The following LINGO2 variants were observed in gnomAD, a reference collection of about 807,000 sequenced individuals.
LINGO2 encodes the protein leucine rich repeat and Ig domain containing 2, also known as leucine-rich repeat and immunoglobulin-like domain-containing nogo receptor-interacting protein 2.
In LINGO2, 14 loss-of-function variants were observed where a neutral mutation model predicts 30.6. The ratio of observed to expected loss-of-function variants is 0.46; its 90% CI spans 0.30 to 0.72. The LOEUF is 0.72. Among genes scored for constraint, LINGO2 ranks in the 30% least tolerant of loss-of-function variants. The pLI is 0.07. For missense variants in LINGO2, 729 were observed against 751.7 expected, an observed-to-expected ratio of 0.97 and a Z score of 0.35; for synonymous variants, 317 against 288.5, an observed-to-expected ratio of 1.10 and a Z score of -1.00.
At chr9:27,940,338 T>A in the LINGO2 span, 1 of 152,178 alleles carries the variant, frequency 6.6e-6, no homozygotes, top group Non-Finnish European at 1.5e-5. Context: ...TATTTTTTGA[T>A]AGAGGGTCAT....
intron 5 of LINGO2, among the ~76,000 whole-genome samples, chr9:27,991,227 G>T (rs548433811): frequency 5.3e-5 from 8 of 151,864 alleles, no homozygotes; most frequent in African/African-American, 1.9e-4. Flanking sequence ...TACAATGAAC[G>T]GCAACAACAA....
intron 4 of LINGO2, among the ~76,000 whole-genome samples, chr9:28,149,870 C>T (rs144968689): frequency 0.015 from 2,229 of 150,272 alleles, 63 homozygotes; most frequent in African/African-American, 0.052. Context: ...TCTGCCCAGC[C>T]GCCGCCCTGT....
At chr9:28,716,523 T>C in the LINGO2 span, among the ~76,000 whole-genome samples, 2 of 152,056 alleles carry the variant, frequency 1.3e-5, no homozygotes, top group African/African-American at 2.4e-5. Context: ...GAAGCCAGTA[T>C]AGGATCACGT....
At chr9:28,538,529 C>T (rs557248416) in intron 1 of LINGO2, among the ~76,000 whole-genome samples, 11 of 152,064 alleles carry the variant, frequency 7.2e-5, no homozygotes, top group Non-Finnish European at 1.3e-4. Context: ...AGAAACTTGA[C>T]TAACGTATTA....
intron 4 of LINGO2, among the ~76,000 whole-genome samples, chr9:28,146,798 C>T (rs1012259253): frequency 7.9e-5 from 12 of 152,166 alleles, no homozygotes; most frequent in Middle Eastern, 3.2e-3. Flanking sequence ...TTATGTTTGT[C>T]ATATTTTAAT....
chr9:28,631,415 A>AT (rs1826933401), intron 1 of LINGO2, among the ~76,000 whole-genome samples: 1 of 151,442 alleles, frequency 6.6e-6, no homozygotes, highest in African/African-American at 2.4e-5. Flanking sequence ...TCTTGAATTA[A>AT]TTTTTGTATA....
chr9:28,555,399 G>A (rs1319212281), intron 1 of LINGO2, among the ~76,000 whole-genome samples: 7 of 151,072 alleles, frequency 4.6e-5, no homozygotes, highest in African/African-American at 1.5e-4. Flanking sequence ...AAATCTAGAA[G>A]AAATGGATAA....
intron 1 of LINGO2, among the ~76,000 whole-genome samples, chr9:28,607,906 C>T (rs1269744839): frequency 1.3e-5 from 2 of 151,980 alleles, no homozygotes; most frequent in Non-Finnish European, 2.9e-5. Flanking sequence ...CCAGAAACAA[C>T]AAACAACTGG....
At chr9:29,135,196 CAAG>C in the LINGO2 span, among the ~76,000 whole-genome samples, 5 of 152,124 alleles carry the variant, frequency 3.3e-5, 1 homozygote, top group South Asian at 1.0e-3. Flanking sequence ...CCTTTCTGCA[CAAG>C]AAGAGGTAAA....
chr9:28,463,754 T>G (rs1439590348), intron 2 of LINGO2, among the ~76,000 whole-genome samples: 6 of 73,518 alleles, frequency 8.2e-5, no homozygotes, highest in Admixed American at 3.0e-4. Flanking sequence ...ATCATAAAAA[T>G]AAAATGAAAA....
intron 4 of LINGO2, among the ~76,000 whole-genome samples, chr9:28,273,155 A>T (rs1287267758): frequency 6.6e-6 from 1 of 152,188 alleles, no homozygotes; most frequent in Non-Finnish European, 1.5e-5. Flanking sequence ...CCTCATATCC[A>T]ACATAATTAT....
At chr9:29,088,915 T>C in the LINGO2 span, among the ~76,000 whole-genome samples, 1 of 152,108 alleles carries the variant, frequency 6.6e-6, no homozygotes, top group African/African-American at 2.4e-5. Flanking sequence ...ATTTAAATCC[T>C]GAAATATGTG....
Position 28,249,341 on chromosome 9 carries a change from C to A in LINGO2, c.-87+45867G>T, listed in dbSNP as rs142990240. 6.3e-3 allele frequency among the ~76,000 whole-genome samples: 953 copies of A among 152,122 alleles called. 14 individuals are homozygous for A. Among genetic ancestry groups the A allele is most frequent in the African/African-American group, 0.021 (884 of 41,498 alleles). On this transcript the variant is annotated intron_variant, in intron 4 of 5. Coordinates refer to ENST00000379992, the Ensembl canonical transcript of LINGO2. ...AAAGAAGTTTGATATATTTGATATG[C>A]TCAGACCAGTAATTGAGTTTGGATC...
At chr9:28,697,303 G>A in the LINGO2 span, among the ~76,000 whole-genome samples, 8 of 151,716 alleles carry the variant, frequency 5.3e-5, no homozygotes, top group African/African-American at 1.5e-4. Context: ...TCACAACACC[G>A]TAGCATTTCT....
chr9:27,959,006 T>C lies in LINGO2; in HGVS notation c.-35-8300A>G, dbSNP rs573010396. Among the ~76,000 whole-genome samples the C allele has an allele frequency of 1.4e-4, 22 of 152,318 alleles. No homozygotes were observed. In the East Asian group the frequency reaches 4.0e-3, roughly 28 times the overall value. On this transcript the variant is annotated intron_variant, in intron 5 of 5. Transcript: ENST00000379992. ...TTTACATGTCCTATTTCCTTGTGTG[T>C]CAATTTTGGTAATTTGTTTCAAGAA...
intron 4 of LINGO2, among the ~76,000 whole-genome samples, chr9:28,193,814 CAG>C (rs1480096689): frequency 6.6e-6 from 1 of 152,142 alleles, no homozygotes; most frequent in African/African-American, 2.4e-5. Flanking sequence ...TGGAAACAAT[CAG>C]AGACTGGAGT....
intron 4 of LINGO2, among the ~76,000 whole-genome samples, chr9:28,064,682 T>G (rs941548790): frequency 6.6e-6 from 1 of 152,064 alleles, no homozygotes; most frequent in African/African-American, 2.4e-5. Context: ...AATACCCAAG[T>G]GAAACATGGC....
chr9:28,191,656 G>A (rs1343445931), intron 4 of LINGO2, among the ~76,000 whole-genome samples: 1 of 151,946 alleles, frequency 6.6e-6, no homozygotes, highest in Non-Finnish European at 1.5e-5. Flanking sequence ...AACATGACAT[G>A]TGCTCAGAAC....
At chr9:28,083,475 G>A (rs1039604459) in intron 4 of LINGO2, among the ~76,000 whole-genome samples, 1 of 152,106 alleles carries the variant, frequency 6.6e-6, no homozygotes, top group Non-Finnish European at 1.5e-5. Flanking sequence ...GACTATTATG[G>A]ATTACCTGTT....
Sources: gnomAD v4.1 joint callset for allele counts (sites outside exome capture counted in the v4.1 genomes callset) on GRCh38, gnomAD v4.1.1 for gene constraint, MANE v1.5 for transcripts, NCBI Gene and HGNC (gene_info 2026-07-23, HGNC 2026-07-21) for gene names.